TJP1: variants seen among roughly 807,000 people sequenced by gnomAD.
TJP1 encodes tight junction protein ZO-1.
Under a neutral mutation model 194.2 loss-of-function variants are expected in TJP1, and 43 were observed. The observed-to-expected ratio is 0.22, with a 90% CI of 0.17 to 0.29. TJP1 has a LOEUF of 0.29. Among genes scored for constraint, TJP1 ranks in the 10% least tolerant of loss-of-function variants. The pLI is 1.00. For synonymous variants in TJP1, 801 were observed against 779.0 expected (o/e 1.03, Z -0.47); for missense variants, 1,971 against 2,185.7 (o/e 0.90, Z 1.96).
chr15:29,910,999 C>A (rs997947678), intron 2 of TJP1, among the ~76,000 whole-genome samples: 7 of 152,244 alleles, frequency 4.6e-5, no homozygotes, highest in African/African-American at 1.7e-4. Context: ...CCAGATAACT[C>A]TGTTGCTTTC....
chr15:29,749,150 T>G (rs565283914), intron 8 of TJP1, among the ~76,000 whole-genome samples: 285 of 149,308 alleles, frequency 1.9e-3, no homozygotes, highest in African/African-American at 6.5e-3. Flanking sequence ...TTTCTGTTGT[T>G]TTTTTTTTTT....
intron 2 of TJP1, among the ~76,000 whole-genome samples, chr15:29,938,937 C>T (rs1488154020): frequency 6.6e-6 from 1 of 152,162 alleles, no homozygotes; most frequent in African/African-American, 2.4e-5. Context: ...GCCAGCTTGC[C>T]CTGGGGCATA....
At chr15:29,949,232 ACTACCT>A (rs1224948255) in intron 2 of TJP1, among the ~76,000 whole-genome samples, 12 of 92,034 alleles carry the variant, frequency 1.3e-4, no homozygotes, top group African/African-American at 2.3e-4. Context: ...TTTCACCACC[ACTACCT>A]CCACCTTCAC....
chr15:29,720,796 T>C, intron 18 of TJP1, 88 bp from the exon 19 acceptor site: 2 of 1,081,492 alleles, frequency 1.8e-6, no homozygotes, highest in Non-Finnish European at 2.6e-6. Flanking sequence ...GAAAAGGATA[T>C]CTTTCTCTGG....
At chr15:29,787,224 C>CAA (rs1318731444) in intron 2 of TJP1, among the ~76,000 whole-genome samples, 1 of 152,000 alleles carries the variant, frequency 6.6e-6, no homozygotes, top group Non-Finnish European at 1.5e-5. Flanking sequence ...ACAGATGGTG[C>CAA]CAGGACAGCT....
intron 2 of TJP1, among the ~76,000 whole-genome samples, chr15:29,893,663 CA>C (rs1385050595): frequency 1.3e-5 from 2 of 152,056 alleles, no homozygotes; most frequent in Non-Finnish European, 1.5e-5. Flanking sequence ...GCATTTTTAA[CA>C]ATGAAACATT....
At chr15:29,959,747 A>C (rs1324831196) in intron 1 of TJP1, among the ~76,000 whole-genome samples, 1 of 152,220 alleles carries the variant, frequency 6.6e-6, no homozygotes, top group Non-Finnish European at 1.5e-5. Flanking sequence ...TTGTTTACTC[A>C]GATTATTATT....
At chr15:29,941,898 T>G (rs1171679943) in intron 2 of TJP1, among the ~76,000 whole-genome samples, 1 of 151,934 alleles carries the variant, frequency 6.6e-6, no homozygotes, top group Non-Finnish European at 1.5e-5. Context: ...CTGCTCTGGG[T>G]GTGAGGCTGG....
chr15:29,761,256 T>C lies in TJP1; in HGVS notation c.893A>G (p.Asp298Gly), dbSNP rs2045988295. 2 of 1,613,986 alleles carry C rather than the reference T, an allele frequency of 1.2e-6. No homozygotes were observed. Among genetic ancestry groups the C allele is most frequent in the Non-Finnish European group, 1.7e-6 (2 of 1,179,976 alleles). ...DISEIQSLAS[D>G]HSGRSHDRPP... ...CCTATCGTGTGATCGACCAGAATGATCTGATGCCAGTGACTGAATTTCTGA... is the reference window on the plus strand; with the variant it reads ...CCTATCGTGTGATCGACCAGAATGACCTGATGCCAGTGACTGAATTTCTGA... The change falls in exon 8 of 28, where the codon GAT (aspartate) becomes GGT (glycine). Residue 298 changes from aspartate (D) to glycine (G), a missense_variant. By Grantham distance (94) the Asp-to-Gly change is moderately conservative. Around this residue, in one of 5 missense-constraint regions of TJP1, gnomAD observed 192 missense variants for 182.3 expected, o/e 1.05. Transcript: ENST00000614355.
rs557891183 is a variant in TJP1, at chr15:29,860,216, G to A, written c.307-59514C>T. 5.3e-5 allele frequency among the ~76,000 whole-genome samples: 8 copies of A among 152,232 alleles called. 1 individual carries two copies. Among genetic ancestry groups the A allele is most frequent in the Middle Eastern group, 3.4e-3 (1 of 294 alleles). On this transcript the variant is annotated intron_variant, in intron 2 of 28. Transcript: ENST00000356107. ...CCCAAACTCTGACTCAGGAGTAAGC[G>A]CTTTCTTTCTCTCCCCCTGGAATCC...
chr15:29,752,323 G>A (rs894329190), intron 8 of TJP1, among the ~76,000 whole-genome samples: 1 of 152,120 alleles, frequency 6.6e-6, no homozygotes, highest in Non-Finnish European at 1.5e-5. Context: ...GGCTGGTCTT[G>A]AACTCCTGAC....
intron 2 of TJP1, among the ~76,000 whole-genome samples, chr15:29,926,984 T>C (rs538136866): frequency 2.0e-4 from 30 of 152,266 alleles, no homozygotes; most frequent in Admixed American, 6.5e-4. Flanking sequence ...AATTATCAGA[T>C]AGAAGTTCTA....
At chr15:29,827,244 T>C (rs1040481594), upstream of TJP1, among the ~76,000 whole-genome samples, 1 of 152,164 alleles carries the variant, frequency 6.6e-6, no homozygotes, top group Non-Finnish European at 1.5e-5. Flanking sequence ...CTGCTGTGGG[T>C]TGGAGCAATA....
At chr15:29,819,126 T>C (rs964216222) in intron 1 of TJP1, among the ~76,000 whole-genome samples, 1 of 152,218 alleles carries the variant, frequency 6.6e-6, no homozygotes, top group South Asian at 2.1e-4. Flanking sequence ...TACATACATA[T>C]TTTTAAGTAG....
At chr15:29,895,398 T>A (rs2053445505) in intron 2 of TJP1, among the ~76,000 whole-genome samples, 1 of 152,242 alleles carries the variant, frequency 6.6e-6, no homozygotes, top group Non-Finnish European at 1.5e-5. Context: ...TGCTCATAAG[T>A]TCTACCTTCC....
intron 8 of TJP1, 51 bp from the exon 9 acceptor site, chr15:29,742,832 G>GCAT: frequency 6.6e-7 from 1 of 1,517,162 alleles, no homozygotes. Context: ...ATTCTGGAAA[G>GCAT]CATCTGTAAG....
intron 1 of TJP1, among the ~76,000 whole-genome samples, chr15:29,957,114 C>T (rs1377320367): frequency 6.6e-6 from 1 of 152,066 alleles, no homozygotes; most frequent in Non-Finnish European, 1.5e-5. Flanking sequence ...ATGAAAATAA[C>T]ATAAATCTAA....
intron 1 of TJP1, among the ~76,000 whole-genome samples, chr15:29,819,651 A>T (rs2050187973): frequency 6.6e-6 from 1 of 152,174 alleles, no homozygotes; most frequent in Non-Finnish European, 1.5e-5. Flanking sequence ...TTTTCTTATC[A>T]ATATGTCAAG....
chr15:29,798,204 C>T (rs534643806), intron 2 of TJP1, among the ~76,000 whole-genome samples: 37 of 151,650 alleles, frequency 2.4e-4, no homozygotes, highest in Admixed American at 5.2e-4. Flanking sequence ...CTCCTGGCCT[C>T]GGGTAATCCA....
Sources: gnomAD v4.1 joint callset for allele counts (sites outside exome capture counted in the v4.1 genomes callset) on GRCh38, gnomAD v4.1.1 for gene constraint, gnomAD v4.1.1 regional missense constraint, MANE v1.5 for transcripts, NCBI Gene and HGNC (gene_info 2026-07-23, HGNC 2026-07-21) for gene names.